ACACA: variants seen among roughly 807,000 people sequenced by gnomAD.
The protein encoded by ACACA is acetyl-CoA carboxylase 1.
A neutral mutation model predicts 296.1 loss-of-function variants in ACACA; 103 were observed. That is an observed-to-expected ratio of 0.35 (90% CI 0.30 to 0.41). ACACA has a LOEUF of 0.41. Ranked by LOEUF, ACACA falls within the 10% of genes least tolerant of loss-of-function variation. The probability of loss-of-function intolerance (pLI) is 1.00; values close to 1 mark genes in which losing one functional copy is unlikely to be tolerated. For synonymous variants in ACACA, 953 were observed against 1,038.6 expected (o/e 0.92, Z 1.58); for missense variants, 1,554 against 2,989.7 (o/e 0.52, Z 11.20).
intron 52 of ACACA, among the ~76,000 whole-genome samples, chr17:37,102,344 A>T (rs2073414886): frequency 6.6e-6 from 1 of 151,636 alleles, no homozygotes; most frequent in Admixed American, 6.6e-5. Context: ...AGCTGGGATT[A>T]CAGGTGCCCG....
chr17:37,299,533 C>T, intron 3 of ACACA: 2 of 1,424,318 alleles, frequency 1.4e-6, no homozygotes, highest in Non-Finnish European at 9.2e-7. Context: ...CAATTTCCTT[C>T]TTTCCCCACC....
At chr17:37,338,598 ACT>A (rs1054520249) in intron 2 of ACACA, among the ~76,000 whole-genome samples, 10 of 151,374 alleles carry the variant, frequency 6.6e-5, no homozygotes, top group African/African-American at 2.2e-4. Context: ...ACAGAGCGAG[ACT>A]CTGTCTCAAA....
intron 18 of ACACA, 112 bp from the exon 19 acceptor site, chr17:37,247,088 C>T (rs549302057): frequency 4.4e-6 from 5 of 1,125,088 alleles, no homozygotes; most frequent in East Asian, 2.4e-5. Context: ...TTATTATACA[C>T]ACACACAGAC....
At chr17:37,125,126 G>T (rs1330295672) in intron 48 of ACACA, among the ~76,000 whole-genome samples, 2 of 152,012 alleles carry the variant, frequency 1.3e-5, no homozygotes, top group Non-Finnish European at 2.9e-5. Context: ...CTTAGAGTAG[G>T]TATTAAAATT....
At chr17:37,165,104 C>T (rs2076611254) in intron 41 of ACACA, among the ~76,000 whole-genome samples, 2 of 151,992 alleles carry the variant, frequency 1.3e-5, no homozygotes. Context: ...TGTTGCTCAT[C>T]GACCGCCTCC....
intron 3 of ACACA, among the ~76,000 whole-genome samples, chr17:37,317,111 G>A (rs2047132763): frequency 6.6e-6 from 1 of 150,740 alleles, no homozygotes; most frequent in South Asian, 2.1e-4. Context: ...AATGACATGA[G>A]AAAGTGTTGT....
chr17:37,105,670 T>G (rs539668995), intron 52 of ACACA, among the ~76,000 whole-genome samples: 1 of 151,742 alleles, frequency 6.6e-6, no homozygotes, highest in African/African-American at 2.4e-5. Context: ...TTCAAGACCA[T>G]CCTGGCCAAC....
intron 52 of ACACA, 26 bp downstream of exon 52, chr17:37,111,505 T>C: frequency 6.4e-7 from 1 of 1,565,090 alleles, no homozygotes; most frequent in Non-Finnish European, 8.8e-7. Context: ...GGCTCATTGA[T>C]TTGCCAGAAG....
Position 37,235,070 on chromosome 17 carries a change from G to T in ACACA, c.3151C>A (p.Arg1051=). 6.2e-7 allele frequency: 1 copy of T among 1,613,478 alleles called. No homozygotes were observed. ...GHYDKCVFAL[R]EENKSDMNTV... is the part of the protein sequence containing the mutation. ...TTCATGTCACTTTTATTCTCTTCTCGGAGGGCGAATACACATTTGTCATAG... is the reference window on the plus strand; with the variant it reads ...TTCATGTCACTTTTATTCTCTTCTCTGAGGGCGAATACACATTTGTCATAG... The change falls in exon 25 of 56, where the codon CGA becomes AGA. Residue 1051 remains arginine (R), a synonymous_variant. Coordinates refer to ENST00000616317, the MANE Select transcript of ACACA (RefSeq NM_198834.3).
At chr17:37,159,171 C>T (rs1034801291) in intron 42 of ACACA, among the ~76,000 whole-genome samples, 7 of 151,624 alleles carry the variant, frequency 4.6e-5, no homozygotes, top group Admixed American at 3.3e-4. Flanking sequence ...GAGCTAGACC[C>T]TGTCTCTTAA....
In ACACA at chr17:37,375,576, A is replaced by T. The variant is rs569742893; in HGVS notation, c.38+30686T>A. ...GAAGTCAAGTAATTTTCTCAAGGTG[A>T]TAGCTCATAAAAGGGCCTGTACTAG... On this transcript the variant is annotated intron_variant, in intron 1 of 55. Coordinates refer to ENST00000616317, the MANE Select transcript of ACACA (RefSeq NM_198834.3). Among the ~76,000 whole-genome samples the T allele has an allele frequency of 7.9e-4, 121 of 152,292 alleles. 2 individuals are homozygous for T. The South Asian group carries it at 0.017, about 21-fold the overall frequency.
chr17:37,298,349 T>C (rs755634846), intron 3 of ACACA, among the ~76,000 whole-genome samples: 2 of 152,152 alleles, frequency 1.3e-5, no homozygotes. Flanking sequence ...AGTAATTTTC[T>C]TCAAAATAAA....
intron 52 of ACACA, among the ~76,000 whole-genome samples, chr17:37,107,471 CT>C (rs1371979589): frequency 2.0e-5 from 3 of 152,312 alleles, no homozygotes; most frequent in Admixed American, 1.3e-4. Context: ...GAAGCGTATC[CT>C]CACCTGCCAC....
At chr17:37,139,395 T>G (rs952846988) in intron 45 of ACACA, among the ~76,000 whole-genome samples, 1 of 152,108 alleles carries the variant, frequency 6.6e-6, no homozygotes, top group Non-Finnish European at 1.5e-5. Context: ...ACAATGGATA[T>G]AGGGTAGAGA....
At chr17:37,239,073 C>T (rs2080260466) in intron 24 of ACACA, among the ~76,000 whole-genome samples, 1 of 152,170 alleles carries the variant, frequency 6.6e-6, no homozygotes, top group Admixed American at 6.5e-5. Flanking sequence ...AAGCAATCCT[C>T]CTGTCCTGGC....
At chr17:37,245,715 A>G (rs1567874895) in intron 19 of ACACA, among the ~76,000 whole-genome samples, 2 of 152,076 alleles carry the variant, frequency 1.3e-5, no homozygotes, top group African/African-American at 4.8e-5. Context: ...AAGACCCCCT[A>G]AGAGATCTCC....
At chr17:37,257,924 T>G (rs966360404) in intron 13 of ACACA, 58 bp from the exon 14 acceptor site, 8 of 1,588,414 alleles carry the variant, frequency 5.0e-6, no homozygotes, top group Non-Finnish European at 6.0e-6. Flanking sequence ...AGAAGATTTA[T>G]ATATTCATTG....
At chr17:37,183,913 T>TGC (rs1347579833) in intron 39 of ACACA, among the ~76,000 whole-genome samples, 1 of 137,894 alleles carries the variant, frequency 7.3e-6, no homozygotes, top group African/African-American at 2.8e-5. Context: ...AGTGCAATGG[T>TGC]GCGATCTCGG....
At chr17:37,306,701 A>T (rs79114349) in intron 3 of ACACA, among the ~76,000 whole-genome samples, 3,385 of 146,746 alleles carry the variant, frequency 0.023, 75 homozygotes, top group Middle Eastern at 0.062. Context: ...ATTTATTATT[A>T]TTTTTTTTTT....
Sources: allele counts gnomAD v4.1 joint callset (sites outside exome capture counted in the v4.1 genomes callset), GRCh38; gene constraint gnomAD v4.1.1; transcripts MANE v1.5; gene names NCBI Gene and HGNC (gene_info 2026-07-23, HGNC 2026-07-21).